The following CEP83 variants were observed in gnomAD, a reference collection of about 807,000 sequenced individuals.
The protein encoded by CEP83 is centrosomal protein of 83 kDa.
A neutral mutation model predicts 101.9 loss-of-function variants in CEP83; 70 were observed. That is an observed-to-expected ratio of 0.69 (90% CI 0.57 to 0.84). The LOEUF (loss-of-function observed/expected upper bound fraction) is 0.84. Among genes scored for constraint, CEP83 ranks in the 40% least tolerant of loss-of-function variants. The pLI is 0.00. For synonymous variants in CEP83, 264 were observed against 267.9 expected, an observed-to-expected ratio of 0.99 and a Z score of 0.14; for missense variants, 715 against 787.2, an observed-to-expected ratio of 0.91 and a Z score of 1.10.
rs1423347288 is a variant in CEP83, at chr12:94,423,864, G to A, written c.-101-11273C>T. 5 of 1,612,614 alleles carry A rather than the reference G, an allele frequency of 3.1e-6. No homozygotes were observed. The East Asian group carries it at 1.1e-4, about 36-fold the overall frequency. ...TGGAAGGAAGGCACAGGGGTGTACT[G>A]GGAGATGTAAGCTCCTTGCATAGCT... On this transcript the variant is annotated intron_variant, in intron 2 of 16. Transcript: ENST00000397809.
intron 4 of CEP83, among the ~76,000 whole-genome samples, chr12:94,407,422 C>A (rs940897905): frequency 6.6e-6 from 1 of 152,186 alleles, no homozygotes; most frequent in Non-Finnish European, 1.5e-5. Context: ...GTGCTCACTA[C>A]CCTGTAGAGT....
chr12:94,291,941 G>C, the CEP83 span, among the ~76,000 whole-genome samples: 9 of 152,244 alleles, frequency 5.9e-5, no homozygotes, highest in African/African-American at 2.2e-4. Context: ...CATGTCTACT[G>C]CTCCCATCTT....
At chr12:94,365,971 T>C (rs1027779906) in intron 11 of CEP83, among the ~76,000 whole-genome samples, 9 of 151,864 alleles carry the variant, frequency 5.9e-5, no homozygotes, top group African/African-American at 9.7e-5. Flanking sequence ...CTGGTATTTG[T>C]GAGGAACAAA....
At chr12:94,276,252 T>G in the CEP83 span, among the ~76,000 whole-genome samples, 1 of 152,314 alleles carries the variant, frequency 6.6e-6, no homozygotes, top group Non-Finnish European at 1.5e-5. Flanking sequence ...CTTTAGAAAC[T>G]GAAGTAGCTT....
At chr12:94,297,324 A>T in the CEP83 span, 1 of 1,613,954 alleles carries the variant, frequency 6.2e-7, no homozygotes, top group South Asian at 1.1e-5. Flanking sequence ...AGATTTTACC[A>T]GATTCGGAAG....
intron 6 of CEP83, among the ~76,000 whole-genome samples, chr12:94,400,297 A>C (rs994193765): frequency 1.3e-5 from 2 of 152,240 alleles, no homozygotes; most frequent in African/African-American, 4.8e-5. Flanking sequence ...ACGAGTAGAA[A>C]GGCTGCCAAA....
chr12:94,413,505 A>C (rs1242476348), intron 2 of CEP83, among the ~76,000 whole-genome samples: 1 of 152,160 alleles, frequency 6.6e-6, no homozygotes, highest in Non-Finnish European at 1.5e-5. Flanking sequence ...TCAAAAGGTG[A>C]CCTTCAGCAA....
rs148147673 is a variant in CEP83 at position 94,447,244 on chromosome 12, T to C, written c.-154-11917A>G. ...AAAGTTTAATCTAGGCTGGGCACAGTGGCTCATGCCTGTAATCCCAGCACT... is the reference window on the plus strand; with the variant it reads ...AAAGTTTAATCTAGGCTGGGCACAGCGGCTCATGCCTGTAATCCCAGCACT... On this transcript the variant is annotated intron_variant, in intron 1 of 16. Coordinates refer to ENST00000397809, the MANE Select transcript of CEP83 (RefSeq NM_016122.3). 3.9e-3 allele frequency among the ~76,000 whole-genome samples: 595 copies of C among 152,332 alleles called. 2 individuals are homozygous for C. The highest frequency in any genetic ancestry group is 0.013 in the African/African-American group (558 of 41,568).
At position 94,411,903 on chromosome 12, in the gene CEP83, T is replaced by C. The variant is rs568552898; in HGVS notation, c.174-56A>G. The C allele has an allele frequency of 2.9e-6, 4 of 1,387,404 alleles. No individual in the cohort carries two copies. In the African/African-American group the frequency reaches 4.3e-5, roughly 15 times the overall value. 85.9% of individuals were successfully genotyped at this position (1,387,404 alleles called of 1,614,324 possible). ...AGTAAATCCTTTCTTTCTAATTGCA[T>C]TACTTTATGTAAAGTCAATCAACAC... On this transcript the variant is annotated intron_variant, in intron 3 of 16. Coordinates refer to ENST00000397809, the MANE Select transcript of CEP83 (RefSeq NM_016122.3).
chr12:94,345,092 T>C (rs1005048829), intron 11 of CEP83, among the ~76,000 whole-genome samples: 4 of 152,232 alleles, frequency 2.6e-5, no homozygotes, highest in African/African-American at 4.8e-5. Flanking sequence ...AAAGCATATG[T>C]GTGCCATTAC....
At chr12:94,303,633 G>C, downstream of CEP83, 3 of 750,854 alleles carry the variant, frequency 4.0e-6, no homozygotes, top group Non-Finnish European at 6.0e-6. Context: ...TTGTTAGCAA[G>C]AGGTAAAACT....
chr12:94,296,663 A>C, the CEP83 span, among the ~76,000 whole-genome samples: 2 of 152,342 alleles, frequency 1.3e-5, no homozygotes, highest in East Asian at 3.9e-4. Flanking sequence ...AGCTGACTCT[A>C]TCTCTTCATT....
rs1168021874 is a variant in CEP83 at position 94,440,438 on chromosome 12, AG to A, written c.-154-5112del. Among the ~76,000 whole-genome samples the A allele has an allele frequency of 2.6e-5, 4 of 152,172 alleles. No individual in the cohort carries two copies. The East Asian group carries it at 5.8e-4, about 22-fold the overall frequency. ...TCAAGAACTCAACCCCTTTTACAAT[AG>A]CTGCAAAAAATAAAATAAAATACTT... is the stretch of plus-strand genomic sequence containing the variant. On this transcript the variant is annotated intron_variant, in intron 1 of 16. Transcript: ENST00000397809.
rs142024148 is a variant in CEP83, at chr12:94,392,902, T to C, written c.549+7948A>G. On this transcript the variant is annotated intron_variant, in intron 6 of 16. Coordinates refer to ENST00000397809, the MANE Select transcript of CEP83 (RefSeq NM_016122.3). ...AGAAATGGATAAATTCCTGGACAAA[T>C]ACACCCTCCCAAGACTAAACCAGGA... Among the ~76,000 whole-genome samples, 350 of 152,142 alleles carry C rather than the reference T, an allele frequency of 2.3e-3. 1 individual carries two copies. Among genetic ancestry groups the C allele is most frequent in the African/African-American group, 8.2e-3 (339 of 41,498 alleles).
At chr12:94,271,721 G>A in the CEP83 span, among the ~76,000 whole-genome samples, 8 of 152,230 alleles carry the variant, frequency 5.3e-5, no homozygotes, top group African/African-American at 1.9e-4. Flanking sequence ...CTTTCCTGGT[G>A]TGAAGTAGGT....
At chr12:94,402,232 A>T (rs993267759) in intron 5 of CEP83, 29 of 152,180 alleles carry the variant, frequency 1.9e-4, no homozygotes, top group African/African-American at 6.3e-4. Context: ...CTTTCAACAA[A>T]TATTAATTGA....
chr12:94,390,102 G>A (rs1226817556), intron 6 of CEP83, among the ~76,000 whole-genome samples: 18 of 152,200 alleles, frequency 1.2e-4, no homozygotes. Context: ...TGACAGCTCT[G>A]AAGAGAGCAG....
intron 2 of CEP83, among the ~76,000 whole-genome samples, chr12:94,420,790 C>T (rs1451218875): frequency 1.3e-5 from 2 of 151,868 alleles, no homozygotes; most frequent in Non-Finnish European, 2.9e-5. Flanking sequence ...TAAATTATTA[C>T]AAATAGATTA....
the CEP83 span, among the ~76,000 whole-genome samples, chr12:94,279,112 G>A: frequency 0.88 from 134,343 of 152,248 alleles, 59,369 homozygotes; most frequent in African/African-American, 0.93. Context: ...ATAATCACCA[G>A]TCTGCCTCAT....
Sources: gnomAD v4.1 joint callset for allele counts (sites outside exome capture counted in the v4.1 genomes callset) on GRCh38, gnomAD v4.1.1 for gene constraint, MANE v1.5 for transcripts, NCBI Gene and HGNC (gene_info 2026-07-23, HGNC 2026-07-21) for gene names.